Variants in ZBBX observed in about 807,000 individuals in gnomAD.
The protein encoded by ZBBX is zinc finger B-box domain containing.
ZBBX carries 101 observed loss-of-function variants against 108.5 expected under a neutral mutation model. That is an observed-to-expected ratio of 0.93 (90% CI 0.79 to 1.10). The LOEUF is 1.10. Among genes scored for constraint, ZBBX ranks in the 50% least tolerant of loss-of-function variants. The pLI is 0.00. For synonymous variants in ZBBX, 356 were observed against 323.4 expected (o/e 1.10, Z -1.08); for missense variants, 1,009 against 941.4 (o/e 1.07, Z -0.94).
Position 167,322,135 on chromosome 3 carries a change from C to T in ZBBX, c.965G>A (p.Trp322Ter). ...EDILSYMEKL[W>*]LKKHRRTPQE... Reference sequence around the variant, plus strand: ...AAAATACCTCCTGTGTTTTTTAAGCCATAATTTTTCCATATAGGATAGAAT... The same window carrying T: ...AAAATACCTCCTGTGTTTTTTAAGCTATAATTTTTCCATATAGGATAGAAT... The change falls in exon 12 of 22, where the codon TGG (tryptophan) becomes TAG (stop). Residue 322 changes from tryptophan to a stop codon, truncating the protein, a stop_gained. Transcript: ENST00000675490. LOFTEE classifies it high-confidence loss of function. The T allele has an allele frequency of 7.6e-7, 1 of 1,323,248 alleles. No individual in the cohort carries two copies. The highest frequency in any genetic ancestry group is 1.0e-6 in the Non-Finnish European group (1 of 1,002,194). The allele number at this position is 1,323,248 out of a possible 1,614,324, so 82.0% of individuals were successfully genotyped here. A position where few individuals can be genotyped will look rare whatever the true frequency, so the allele number is the denominator to read the frequency against.
At chr3:167,334,755 T>G (rs949155874) in intron 9 of ZBBX, among the ~76,000 whole-genome samples, 1 of 151,918 alleles carries the variant, frequency 6.6e-6, no homozygotes, top group Non-Finnish European at 1.5e-5. Flanking sequence ...TTTGTGCACA[T>G]CATAAATAAA....
At chr3:167,214,604 T>C in the ZBBX span, among the ~76,000 whole-genome samples, 1 of 152,194 alleles carries the variant, frequency 6.6e-6, no homozygotes, top group African/African-American at 2.4e-5. Context: ...TTAACAAAGA[T>C]GTTCAGGACC....
At chr3:167,278,136 A>G (rs1241230008) in intron 20 of ZBBX, among the ~76,000 whole-genome samples, 1 of 118,136 alleles carries the variant, frequency 8.5e-6, no homozygotes, top group African/African-American at 3.4e-5. Context: ...AAATGCCCAC[A>G]AGAGAAAGCA....
the ZBBX span, among the ~76,000 whole-genome samples, chr3:167,213,643 C>A: frequency 6.6e-6 from 1 of 152,164 alleles, no homozygotes; most frequent in Non-Finnish European, 1.5e-5. Flanking sequence ...TCCATGAAAA[C>A]TTCCCCAACT....
rs537420368 is a variant in ZBBX, at chr3:167,275,355, C to G, written c.2254+6883G>C. ...CAGAAGACGGGTGATTTCTGCATTT[C>G]CATCTGAGGTACCGGGTTCATCTCA... On this transcript the variant is annotated intron_variant, in intron 20 of 21. Transcript: ENST00000675490. Among the ~76,000 whole-genome samples, 370 of 152,304 alleles carry G rather than the reference C, an allele frequency of 2.4e-3. 3 individuals carry two copies. Among genetic ancestry groups the G allele is most frequent in the African/African-American group, 8.3e-3 (344 of 41,576 alleles).
chr3:167,375,389 C>T (rs371147999), intron 2 of ZBBX, among the ~76,000 whole-genome samples: 1 of 151,988 alleles, frequency 6.6e-6, no homozygotes, highest in Non-Finnish European at 1.5e-5. Flanking sequence ...GTCAGGAGTT[C>T]GAGACCAGCC....
chr3:167,360,006 C>T (rs764325892), intron 7 of ZBBX, 27 bp from the exon 8 acceptor site: 2 of 1,304,448 alleles, frequency 1.5e-6, no homozygotes, highest in Non-Finnish European at 1.1e-6. Context: ...AATATTACTC[C>T]AATCATTTAA....
chr3:167,200,517 C>T, the ZBBX span, among the ~76,000 whole-genome samples: 1 of 152,094 alleles, frequency 6.6e-6, no homozygotes, highest in Admixed American at 6.6e-5. Flanking sequence ...TGTCCTGAGG[C>T]TTGAATTCTA....
chr3:167,181,286 C>T, the ZBBX span, among the ~76,000 whole-genome samples: 2 of 152,096 alleles, frequency 1.3e-5, no homozygotes, highest in East Asian at 3.9e-4. Context: ...GGAATTAGAA[C>T]TTGTGCTCTC....
chr3:167,396,403 C>T (rs1201031298), intron 1 of ZBBX, among the ~76,000 whole-genome samples: 1 of 152,006 alleles, frequency 6.6e-6, no homozygotes, highest in African/African-American at 2.4e-5. Flanking sequence ...ACTTCAGTGG[C>T]ACATAGGATG....
At position 167,282,261 on chromosome 3, in the gene ZBBX, A is replaced by C. The variant is rs1728947018; in HGVS notation, c.2231T>G (p.Leu744Ter). Reference sequence around the variant, plus strand: ...ACCTGCAAGAGATCTCAGCACTTGTAATTCTTTTTCCAAATTGTCTAAAGT... The same window carrying C: ...ACCTGCAAGAGATCTCAGCACTTGTCATTCTTTTTCCAAATTGTCTAAAGT... Reference protein sequence around the residue: ...QHTLDNLEKELQVLRSLADTS... With the variant: ...QHTLDNLEKE The change falls in exon 20 of 22, where the codon TTA becomes TGA. Residue 744 changes from leucine (L) to a stop codon, truncating the protein, a stop_gained. Coordinates refer to ENST00000675490, the MANE Select transcript of ZBBX (RefSeq NM_001199201.2). LOFTEE classifies it high-confidence loss of function. The C allele has an allele frequency of 6.2e-7, 1 of 1,612,552 alleles. No homozygotes were observed. The highest frequency in any genetic ancestry group is 1.7e-5 in the Admixed American group (1 of 59,722).
intron 4 of ZBBX, among the ~76,000 whole-genome samples, chr3:167,371,526 C>T (rs1176266946): frequency 1.2e-4 from 18 of 152,140 alleles, no homozygotes; most frequent in Admixed American, 9.2e-4. Flanking sequence ...TCTAAGCTTT[C>T]GGAGTGCCAG....
intron 20 of ZBBX, among the ~76,000 whole-genome samples, chr3:167,266,466 C>T (rs1725498911): frequency 6.6e-6 from 1 of 152,132 alleles, no homozygotes; most frequent in Non-Finnish European, 1.5e-5. Context: ...CACATCTCTT[C>T]CCTTGGTTAC....
At chr3:167,331,064 C>T (rs1392357584) in intron 10 of ZBBX, among the ~76,000 whole-genome samples, 1 of 150,776 alleles carries the variant, frequency 6.6e-6, no homozygotes, top group African/African-American at 2.4e-5. Context: ...AAAGCCTCAC[C>T]AGGAACCAAT....
chr3:167,257,592 A>G (rs749728872), intron 20 of ZBBX, among the ~76,000 whole-genome samples: 3 of 152,068 alleles, frequency 2.0e-5, no homozygotes, highest in Admixed American at 1.3e-4. Flanking sequence ...TTCATCATGG[A>G]GGGACGTTAA....
intron 1 of ZBBX, among the ~76,000 whole-genome samples, chr3:167,395,881 A>T (rs1748219932): frequency 6.6e-6 from 1 of 152,010 alleles, no homozygotes; most frequent in South Asian, 2.1e-4. Flanking sequence ...CCTGGCATAT[A>T]AGGAAACTTC....
At chr3:167,393,145 G>A (rs1048777928) in intron 1 of ZBBX, among the ~76,000 whole-genome samples, 14 of 151,662 alleles carry the variant, frequency 9.2e-5, no homozygotes, top group African/African-American at 3.4e-4. Flanking sequence ...ACCACTTAAG[G>A]ATTACATTTT....
In ZBBX at chr3:167,252,327, TGA is replaced by T; in HGVS notation, c.2255-9686_2255-9685del. On this transcript the variant is annotated intron_variant, in intron 20 of 21. Coordinates refer to ENST00000675490, the MANE Select transcript of ZBBX (RefSeq NM_001199201.2). ...ATCCAGTGGTGTGGAGGTGTATGTC[TGA>T]GAGCAAACCTCATGAAGTTTTTCCA... 5.2e-6 allele frequency: 3 copies of T among 577,226 alleles called. No individual in the cohort carries two copies. In the South Asian group the frequency reaches 5.4e-5, roughly 10 times the overall value. The allele number at this position is 577,226 out of a possible 1,614,324, so 35.8% of individuals were successfully genotyped here.
chr3:167,234,317 A>C, the ZBBX span, among the ~76,000 whole-genome samples: 2 of 151,896 alleles, frequency 1.3e-5, no homozygotes. Context: ...TTTGAAATAA[A>C]TATATTGTAT....
Sources: gnomAD v4.1 joint callset for allele counts (sites outside exome capture counted in the v4.1 genomes callset) on GRCh38, gnomAD v4.1.1 for gene constraint, MANE v1.5 for transcripts, NCBI Gene and HGNC (gene_info 2026-07-23, HGNC 2026-07-21) for gene names.